GRID1: variants seen among roughly 807,000 people sequenced by gnomAD.
GRID1 encodes glutamate ionotropic receptor delta type subunit 1.
A neutral mutation model predicts 98.0 loss-of-function variants in GRID1; 28 were observed. The observed-to-expected ratio is 0.29, with a 90% confidence interval of 0.21 to 0.39. The LOEUF (loss-of-function observed/expected upper bound fraction) is 0.39. Ranked by LOEUF, GRID1 falls within the 10% of genes least tolerant of loss-of-function variation. GRID1 has a pLI of 1.00. For missense variants in GRID1, 1,111 were observed against 1,340.5 expected (o/e 0.83, Z 2.67); for synonymous variants, 553 against 538.5 (o/e 1.03, Z -0.37).
chr10:85,880,742 T>C (rs1246706151), intron 5 of GRID1, among the ~76,000 whole-genome samples: 1 of 152,090 alleles, frequency 6.6e-6, no homozygotes, highest in Non-Finnish European at 1.5e-5. Context: ...TCACCACTCC[T>C]ATTCAACATA....
chr10:85,701,097 G>A (rs1841445782), intron 12 of GRID1, among the ~76,000 whole-genome samples: 1 of 152,132 alleles, frequency 6.6e-6, no homozygotes, highest in Non-Finnish European at 1.5e-5. Flanking sequence ...AGGGAAGGCT[G>A]CTACCTACTT....
chr10:85,906,649 A>T (rs1017942591), intron 5 of GRID1, among the ~76,000 whole-genome samples: 2 of 152,170 alleles, frequency 1.3e-5, no homozygotes, highest in African/African-American at 2.4e-5. Context: ...TCTAAAACCC[A>T]TGGGTCAAAG....
chr10:85,976,470 C>A (rs778856122), intron 4 of GRID1, among the ~76,000 whole-genome samples: 3 of 152,252 alleles, frequency 2.0e-5, no homozygotes, highest in Non-Finnish European at 2.9e-5. Context: ...CAGAGGATGG[C>A]ACCTCCTTCA....
At chr10:86,101,643 T>C (rs1396323182) in intron 4 of GRID1, among the ~76,000 whole-genome samples, 1 of 150,600 alleles carries the variant, frequency 6.6e-6, no homozygotes, top group Non-Finnish European at 1.5e-5. Context: ...CTTTTTTTTT[T>C]TTTTTTTGAG....
chr10:86,167,234 C>T (rs1217091635), intron 3 of GRID1, among the ~76,000 whole-genome samples: 2 of 152,232 alleles, frequency 1.3e-5, no homozygotes, highest in African/African-American at 2.4e-5. Context: ...GGAGGGTGTC[C>T]ATCCAGTCAG....
chr10:86,263,453 G>C (rs993233554), intron 2 of GRID1, among the ~76,000 whole-genome samples: 1 of 152,224 alleles, frequency 6.6e-6, no homozygotes, highest in African/African-American at 2.4e-5. Context: ...TGACTTCGGG[G>C]TTCCAGCGTG....
chr10:85,900,969 C>A (rs114391788), intron 5 of GRID1, among the ~76,000 whole-genome samples: 10 of 151,900 alleles, frequency 6.6e-5, no homozygotes, highest in Non-Finnish European at 1.2e-4. Context: ...ATAAGTATTG[C>A]AAAAAGTGGA....
At chr10:85,783,469 C>T (rs1842398520) in intron 8 of GRID1, among the ~76,000 whole-genome samples, 1 of 152,140 alleles carries the variant, frequency 6.6e-6, no homozygotes, top group Non-Finnish European at 1.5e-5. Flanking sequence ...ATTTTATGGA[C>T]AGAAAGATAG....
At chr10:86,362,436 T>C (rs1848612359) in intron 2 of GRID1, among the ~76,000 whole-genome samples, 2 of 152,066 alleles carry the variant, frequency 1.3e-5, no homozygotes, top group South Asian at 4.1e-4. Flanking sequence ...GAATTCCTCT[T>C]CCCTGTACCT....
chr10:85,783,802 A>T (rs540367838), intron 8 of GRID1, among the ~76,000 whole-genome samples: 5 of 152,282 alleles, frequency 3.3e-5, no homozygotes, highest in Non-Finnish European at 5.9e-5. Flanking sequence ...ACTCCAAAAA[A>T]ATATATAAAG....
chr10:85,974,204 C>T (rs200886191), intron 4 of GRID1, among the ~76,000 whole-genome samples: 1 of 152,164 alleles, frequency 6.6e-6, no homozygotes, highest in African/African-American at 2.4e-5. Context: ...CAATTGTGCA[C>T]ATAAATAAAT....
intron 5 of GRID1, among the ~76,000 whole-genome samples, chr10:85,871,710 T>C (rs1233062368): frequency 1.3e-5 from 2 of 152,220 alleles, no homozygotes; most frequent in African/African-American, 4.8e-5. Flanking sequence ...GGTAAGATGG[T>C]AAACAATGTA....
At chr10:86,072,674 TC>T (rs1229247209) in intron 4 of GRID1, among the ~76,000 whole-genome samples, 1 of 152,348 alleles carries the variant, frequency 6.6e-6, no homozygotes, top group African/African-American at 2.4e-5. Flanking sequence ...TGAACATCTC[TC>T]CTTTTTAACG....
intron 12 of GRID1, among the ~76,000 whole-genome samples, chr10:85,715,917 TTTC>T (rs1468060599): frequency 2.6e-5 from 4 of 152,088 alleles, no homozygotes; most frequent in Non-Finnish European, 5.9e-5. Context: ...TTTTTTTTTT[TTTC>T]TTTTGAGACG....
intron 5 of GRID1, among the ~76,000 whole-genome samples, chr10:85,888,658 G>A (rs1282161425): frequency 6.6e-6 from 1 of 152,130 alleles, no homozygotes; most frequent in Non-Finnish European, 1.5e-5. Context: ...GTGTTTAGGT[G>A]GGCTGTCTGT....
chr10:85,925,009 T>C (rs1841755436), intron 4 of GRID1, among the ~76,000 whole-genome samples: 1 of 152,192 alleles, frequency 6.6e-6, no homozygotes, highest in Non-Finnish European at 1.5e-5. Flanking sequence ...ATATGCTACA[T>C]GTGGACAATT....
At chr10:86,128,416 C>T (rs960229138) in intron 4 of GRID1, among the ~76,000 whole-genome samples, 2 of 152,166 alleles carry the variant, frequency 1.3e-5, no homozygotes, top group Non-Finnish European at 2.9e-5. Context: ...CCTACCTTCA[C>T]ACTTGTCTCC....
At chr10:85,745,640 T>C (rs1841989055) in intron 8 of GRID1, among the ~76,000 whole-genome samples, 1 of 138,594 alleles carries the variant, frequency 7.2e-6, no homozygotes, top group Admixed American at 7.3e-5. Flanking sequence ...CGTTAGTGGG[T>C]GCAGCGCACC....
At chr10:86,326,885 C>T (rs1042494956) in intron 2 of GRID1, among the ~76,000 whole-genome samples, 3 of 152,204 alleles carry the variant, frequency 2.0e-5, no homozygotes, top group African/African-American at 7.2e-5. Flanking sequence ...CCTGTAATCC[C>T]AGTACTTCAG....
Sources: allele counts gnomAD v4.1 joint callset (sites outside exome capture counted in the v4.1 genomes callset), GRCh38; gene constraint gnomAD v4.1.1; transcripts MANE v1.5; gene names NCBI Gene and HGNC (gene_info 2026-07-23, HGNC 2026-07-21).